TRPM3: variants seen among roughly 807,000 people sequenced by gnomAD.
TRPM3 encodes the protein long transient receptor potential channel 3.
TRPM3 carries 77 observed loss-of-function variants against 181.2 expected under a neutral mutation model. The observed-to-expected ratio is 0.42, with a 90% CI of 0.35 to 0.51. The LOEUF (loss-of-function observed/expected upper bound fraction) is 0.51. Ranked by LOEUF, TRPM3 falls within the 20% of genes least tolerant of loss-of-function variation. The probability of loss-of-function intolerance (pLI) is 0.01; values close to 1 mark genes in which losing one functional copy is unlikely to be tolerated. For synonymous variants in TRPM3, 745 were observed against 796.4 expected, an observed-to-expected ratio of 0.94 and a Z score of 1.09; for missense variants, 1,759 against 2,196.7, an observed-to-expected ratio of 0.80 and a Z score of 3.98.
chr9:71,060,389 A>G (rs1278199275), intron 1 of TRPM3, among the ~76,000 whole-genome samples: 1 of 152,120 alleles, frequency 6.6e-6, no homozygotes, highest in Non-Finnish European at 1.5e-5. Flanking sequence ...ATGTTCAACT[A>G]CTGAGGTTGG....
rs77357639 is a variant in TRPM3, at chr9:71,229,013, T to C, written c.183+217640A>G. ...ACTTAAGACTCAGAATAGTCAAAGC[T>C]ATTCCAAGCAAAAAGAACAAAACTG... On this transcript the variant is annotated intron_variant, in intron 1 of 24. Transcript: ENST00000357533. 3.0e-3 allele frequency among the ~76,000 whole-genome samples: 451 copies of C among 152,138 alleles called. 9 individuals carry two copies. The East Asian group carries it at 0.039, about 13-fold the overall frequency.
chr9:70,621,396 A>G, intron 14 of TRPM3, 123 bp from the exon 15 acceptor site: 1 of 562,770 alleles, frequency 1.8e-6, no homozygotes, highest in Non-Finnish European at 2.8e-6. Context: ...ACAAGGTCTC[A>G]CTTTGTCACC....
intron 1 of TRPM3, among the ~76,000 whole-genome samples, chr9:71,406,294 G>A (rs755607261): frequency 3.3e-5 from 5 of 152,184 alleles, no homozygotes; most frequent in Non-Finnish European, 5.9e-5. Context: ...GAACACGGCA[G>A]AGTCTCTGTC....
In TRPM3 at chr9:71,382,688, C is replaced by CTTTT. The variant is rs11449039; in HGVS notation, c.183+63961_183+63964dup. Reference sequence around the variant, plus strand: ...AATATAACTTTTATATCTGTATAGTCTTTTTTTTTTTTGCACTTTATCATA... The same window carrying CTTTT: ...AATATAACTTTTATATCTGTATAGTCTTTTTTTTTTTTTTTTGCACTTTATCATA... On this transcript the variant is annotated intron_variant, in intron 1 of 24. Transcript: ENST00000357533. Among the ~76,000 whole-genome samples, 1,033 of 146,596 alleles carry CTTTT rather than the reference C, an allele frequency of 7.0e-3. 15 individuals carry two copies. Among genetic ancestry groups the CTTTT allele is most frequent in the African/African-American group, 0.022 (864 of 40,006 alleles).
intron 1 of TRPM3, among the ~76,000 whole-genome samples, chr9:71,216,408 G>T (rs1323196837): frequency 1.3e-5 from 2 of 152,120 alleles, no homozygotes; most frequent in African/African-American, 4.8e-5. Context: ...CTTTCACATT[G>T]CAATTGCCTA....
At chr9:70,810,130 C>G in intron 6 of TRPM3, 1 of 531,040 alleles carries the variant, frequency 1.9e-6, no homozygotes, top group Non-Finnish European at 3.9e-6. Flanking sequence ...CACCCCCACC[C>G]TCCTTTCCAT....
chr9:70,793,712 G>A (rs2086243171), intron 6 of TRPM3: 1 of 463,882 alleles, frequency 2.2e-6, no homozygotes. Flanking sequence ...CAGGAAAAGA[G>A]TCAAGACAGT....
chr9:71,379,911 A>G (rs1175442514), intron 1 of TRPM3, among the ~76,000 whole-genome samples: 2 of 151,994 alleles, frequency 1.3e-5, no homozygotes, highest in East Asian at 1.9e-4. Flanking sequence ...AGCATACGCA[A>G]GTAACTTTCT....
At chr9:70,613,715 C>G (rs551950302) in intron 18 of TRPM3, among the ~76,000 whole-genome samples, 21 of 152,348 alleles carry the variant, frequency 1.4e-4, no homozygotes, top group Non-Finnish European at 1.8e-4. Context: ...CAGCAAAGCT[C>G]TTGCAGAACC....
chr9:71,174,611 T>A (rs768341631), intron 1 of TRPM3, among the ~76,000 whole-genome samples: 2 of 151,442 alleles, frequency 1.3e-5, no homozygotes, highest in Admixed American at 6.6e-5. Context: ...TGAGGCATCA[T>A]GAAAATATAG....
intron 22 of TRPM3, 166 bp downstream of exon 22, chr9:70,590,865 G>A: frequency 1.3e-6 from 1 of 794,816 alleles, no homozygotes; most frequent in Non-Finnish European, 2.0e-6. Context: ...TGCTAAAATT[G>A]TGTATTCACC....
chr9:71,288,559 T>C (rs2085501911), intron 1 of TRPM3, among the ~76,000 whole-genome samples: 2 of 151,938 alleles, frequency 1.3e-5, no homozygotes, highest in South Asian at 4.2e-4. Flanking sequence ...ACATACCAAC[T>C]CAGTAACAAG....
At chr9:71,053,603 C>T (rs1424895494) in intron 1 of TRPM3, among the ~76,000 whole-genome samples, 1 of 152,044 alleles carries the variant, frequency 6.6e-6, no homozygotes, top group African/African-American at 2.4e-5. Flanking sequence ...TATTTTTCAG[C>T]TCTGTTGGAG....
intron 9 of TRPM3, among the ~76,000 whole-genome samples, chr9:70,663,960 T>C (rs1349990441): frequency 2.0e-5 from 3 of 152,194 alleles, no homozygotes; most frequent in Non-Finnish European, 2.9e-5. Context: ...CTTAGTTTCT[T>C]CATGAATAAA....
At chr9:71,347,499 A>G (rs756563411) in intron 1 of TRPM3, among the ~76,000 whole-genome samples, 8 of 152,194 alleles carry the variant, frequency 5.3e-5, no homozygotes, top group Admixed American at 5.2e-4. Context: ...TTGATTTTAA[A>G]TTTTTCAAAG....
intron 1 of TRPM3, among the ~76,000 whole-genome samples, chr9:70,939,336 C>A (rs1029128790): frequency 1.3e-5 from 2 of 152,198 alleles, no homozygotes; most frequent in African/African-American, 2.4e-5. Flanking sequence ...ACCCGACAGT[C>A]CCTGAAACTT....
Position 70,784,206 on chromosome 9 carries a change from C to G in TRPM3, c.1047G>C (p.Glu349Asp). Residue 349 changes from glutamate (E) to aspartate (D), a missense_variant, in exon 7 of 26, where the codon GAG becomes GAC. Glu to Asp is a conservative substitution (Grantham distance 45, BLOSUM62 2). This residue lies in a region of TRPM3 where 737 missense variants were observed against 957.4 expected (regional missense o/e 0.77). Coordinates refer to ENST00000677713, the MANE Select transcript of TRPM3 (RefSeq NM_001366145.2). ...GCACGGGAGGGGTGTCTCGAAGGTA[C>G]TCCAAAACAATCGAGATCACATTGG... ...GGPNVISIVL[E>D]YLRDTPPVPV... The G allele has an allele frequency of 6.2e-7, 1 of 1,613,694 alleles. No individual in the cohort carries two copies. The highest frequency in any genetic ancestry group is 8.5e-7 in the Non-Finnish European group (1 of 1,179,792).
chr9:70,946,809 A>G (rs1020347930), intron 1 of TRPM3, among the ~76,000 whole-genome samples: 3 of 152,012 alleles, frequency 2.0e-5, no homozygotes, highest in African/African-American at 7.3e-5. Flanking sequence ...CTGTTTTTGT[A>G]CTTTGCATAA....
chr9:71,179,912 T>G (rs1228264111), intron 1 of TRPM3, among the ~76,000 whole-genome samples: 1 of 152,102 alleles, frequency 6.6e-6, no homozygotes, highest in African/African-American at 2.4e-5. Context: ...CATATGGCAT[T>G]CACGTGCCTG....
Sources: gnomAD v4.1 joint callset for allele counts (sites outside exome capture counted in the v4.1 genomes callset) on GRCh38, gnomAD v4.1.1 for gene constraint, gnomAD v4.1.1 regional missense constraint, MANE v1.5 for transcripts, NCBI Gene and HGNC (gene_info 2026-07-23, HGNC 2026-07-21) for gene names.